The following MIPOL1 variants were observed in gnomAD, a reference collection of about 807,000 sequenced individuals.
The protein encoded by MIPOL1 is mirror-image polydactyly gene 1 protein.
Under a neutral mutation model 60.9 loss-of-function variants are expected in MIPOL1, and 57 were observed. The ratio of observed to expected loss-of-function variants is 0.94; its 90% CI spans 0.76 to 1.17. The LOEUF (loss-of-function observed/expected upper bound fraction) is 1.17. Among genes scored for constraint, MIPOL1 ranks in the 50% most tolerant of loss-of-function variants. The probability of loss-of-function intolerance (pLI) is 0.00; values close to 1 mark genes in which losing one functional copy is unlikely to be tolerated. For missense variants in MIPOL1, 551 were observed against 511.6 expected (o/e 1.08, Z -0.74); for synonymous variants, 179 against 168.8 (o/e 1.06, Z -0.47).
intron 7 of MIPOL1, among the ~76,000 whole-genome samples, chr14:37,298,416 A>G (rs1008436339): frequency 5.9e-5 from 9 of 152,352 alleles, no homozygotes; most frequent in South Asian, 2.1e-4. Context: ...TTAAAACACC[A>G]AAAGCAATGG....
intron 12 of MIPOL1, chr14:37,502,148 A>G (rs1003795709): frequency 4.6e-5 from 7 of 152,288 alleles, no homozygotes; most frequent in Middle Eastern, 3.4e-3. Context: ...GCCTCTATGG[A>G]CTCCATCTCT....
intron 1 of MIPOL1, among the ~76,000 whole-genome samples, chr14:37,245,520 T>A (rs1973067191): frequency 6.6e-6 from 1 of 152,166 alleles, no homozygotes; most frequent in Non-Finnish European, 1.5e-5. Context: ...GACTTTTTAA[T>A]ATTTTGATTT....
In MIPOL1 at chr14:37,547,127, A is replaced by C. The variant is rs1192669374; in HGVS notation, c.*156A>C. The C allele has an allele frequency of 1.6e-6, 1 of 609,128 alleles. No homozygotes were observed. The highest frequency in any genetic ancestry group is 2.9e-5 in the East Asian group (1 of 34,164). 37.7% of individuals were successfully genotyped at this position (609,128 alleles called of 1,614,324 possible). On this transcript the variant is annotated 3_prime_UTR_variant, in exon 13 of 13. Transcript: ENST00000684589. ...AAGCTGAGATAAAATCAAATCACAA[A>C]TGTTTAACCACTTTGCTGCTGACTT...
intron 3 of MIPOL1, among the ~76,000 whole-genome samples, chr14:37,260,987 TTTTC>T (rs766392644): frequency 6.6e-5 from 10 of 152,068 alleles, no homozygotes; most frequent in Non-Finnish European, 1.2e-4. Flanking sequence ...TTACTGTTAA[TTTTC>T]TTTCTTTGAC....
At chr14:37,225,965 G>T (rs1432921863) in intron 1 of MIPOL1, among the ~76,000 whole-genome samples, 1 of 152,072 alleles carries the variant, frequency 6.6e-6, no homozygotes, top group Non-Finnish European at 1.5e-5. Context: ...AATCTCTAGG[G>T]AGTGGCAAAA....
chr14:37,494,938 A>G (rs1489140686), intron 11 of MIPOL1, among the ~76,000 whole-genome samples: 3 of 152,036 alleles, frequency 2.0e-5, no homozygotes, highest in Non-Finnish European at 2.9e-5. Flanking sequence ...GTACAATCCA[A>G]ACATGTCCAT....
chr14:37,237,712 A>G (rs1371737526), intron 1 of MIPOL1, among the ~76,000 whole-genome samples: 1 of 152,120 alleles, frequency 6.6e-6, no homozygotes, highest in African/African-American at 2.4e-5. Flanking sequence ...TTTGATCTTA[A>G]GTAGTTAACT....
At chr14:37,289,464 A>G (rs1351293987) in intron 7 of MIPOL1, among the ~76,000 whole-genome samples, 1 of 152,254 alleles carries the variant, frequency 6.6e-6, no homozygotes, top group African/African-American at 2.4e-5. Context: ...GTTAGTGTTC[A>G]TACAGTCCCC....
At chr14:37,530,534 C>A (rs2095472845) in intron 12 of MIPOL1, among the ~76,000 whole-genome samples, 1 of 152,124 alleles carries the variant, frequency 6.6e-6, no homozygotes, top group Non-Finnish European at 1.5e-5. Flanking sequence ...TAATTAAACT[C>A]TTTCCATGGA....
intron 9 of MIPOL1, among the ~76,000 whole-genome samples, chr14:37,343,418 G>T (rs977313542): frequency 2.6e-5 from 4 of 152,068 alleles, no homozygotes; most frequent in Admixed American, 6.6e-5. Flanking sequence ...TTCTATAGTC[G>T]TAAGTACTTT....
intron 8 of MIPOL1, 81 bp downstream of exon 8, chr14:37,308,170 C>A: frequency 7.3e-7 from 1 of 1,378,282 alleles, no homozygotes; most frequent in South Asian, 1.3e-5. Context: ...GTTTCAAGAA[C>A]TAAGATGTGG....
chr14:37,450,456 C>G (rs2094400804), intron 11 of MIPOL1, among the ~76,000 whole-genome samples: 1 of 152,100 alleles, frequency 6.6e-6, no homozygotes, highest in African/African-American at 2.4e-5. Context: ...TTTCTTGCTT[C>G]TAGTAACTGA....
Position 37,452,276 on chromosome 14 carries a change from G to A in MIPOL1, c.1031+29327G>A, listed in dbSNP as rs572376848. 4.6e-5 allele frequency among the ~76,000 whole-genome samples: 7 copies of A among 152,278 alleles called. 1 individual carries two copies. In the South Asian group the frequency reaches 1.4e-3, roughly 32 times the overall value. On this transcript the variant is annotated intron_variant, in intron 11 of 12. Transcript: ENST00000684589. ...TAATATCTTAAAATGATTTTTAAAT[G>A]TTGCATTTATTAAAATTTAATATAG...
chr14:37,510,417 G>A (rs1338544169), intron 12 of MIPOL1, among the ~76,000 whole-genome samples: 3 of 151,770 alleles, frequency 2.0e-5, no homozygotes, highest in Admixed American at 1.3e-4. Context: ...TTTTGTTTTT[G>A]GTAGAGATGA....
Position 37,418,167 on chromosome 14 carries a change from A to C in MIPOL1, c.937-4688A>C, listed in dbSNP as rs140598110. On this transcript the variant is annotated intron_variant, in intron 10 of 12. Transcript: ENST00000684589. ...TACTAAAACAAGGCTTAACTGTATC[A>C]GACTATAACTATTAAAAACACATTT... 3.5e-3 allele frequency among the ~76,000 whole-genome samples: 532 copies of C among 152,332 alleles called. 2 individuals are homozygous for C. The highest frequency in any genetic ancestry group is 5.6e-3 in the Non-Finnish European group (382 of 68,024).
At chr14:37,241,564 G>A (rs1018878955) in intron 1 of MIPOL1, among the ~76,000 whole-genome samples, 4 of 148,640 alleles carry the variant, frequency 2.7e-5, no homozygotes, top group Admixed American at 2.0e-4. Flanking sequence ...TTACGGGTGC[G>A]GCAGGGTGTG....
At chr14:37,209,982 T>G (rs747880442) in intron 1 of MIPOL1, among the ~76,000 whole-genome samples, 2 of 152,110 alleles carry the variant, frequency 1.3e-5, no homozygotes, top group African/African-American at 2.4e-5. Flanking sequence ...AAGTACTGAT[T>G]ACTGGTGTGA....
chr14:37,453,329 A>T (rs1321798420), intron 11 of MIPOL1, among the ~76,000 whole-genome samples: 1 of 152,124 alleles, frequency 6.6e-6, no homozygotes, highest in African/African-American at 2.4e-5. Context: ...GGTTTTTTTC[A>T]GGATCCCATA....
chr14:37,483,389 A>AT (rs1170080900), intron 11 of MIPOL1, among the ~76,000 whole-genome samples: 1 of 152,086 alleles, frequency 6.6e-6, no homozygotes, highest in Non-Finnish European at 1.5e-5. Context: ...TGCTGGAATT[A>AT]TAAGTGTGAG....
Sources: allele counts gnomAD v4.1 joint callset (sites outside exome capture counted in the v4.1 genomes callset), GRCh38; gene constraint gnomAD v4.1.1; transcripts MANE v1.5; gene names NCBI Gene and HGNC (gene_info 2026-07-23, HGNC 2026-07-21).